MDGA2: variants seen among roughly 807,000 people sequenced by gnomAD.
The protein encoded by MDGA2 is MAM domain containing glycosylphosphatidylinositol anchor 2.
A neutral mutation model predicts 117.8 loss-of-function variants in MDGA2; 40 were observed. The observed-to-expected ratio is 0.34, with a 90% CI of 0.26 to 0.44. MDGA2 has a LOEUF of 0.44. Ranked by LOEUF, MDGA2 falls within the 20% of genes least tolerant of loss-of-function variation. The pLI is 1.00. For missense variants in MDGA2, 1,123 were observed against 1,250.6 expected (o/e 0.90, Z 1.54); for synonymous variants, 452 against 439.0 (o/e 1.03, Z -0.37).
chr14:47,464,148 G>A (rs1893550890), intron 1 of MDGA2, among the ~76,000 whole-genome samples: 2 of 140,932 alleles, frequency 1.4e-5, no homozygotes, highest in African/African-American at 5.3e-5. Flanking sequence ...CACACACAGA[G>A]CCTCTGTTGC....
chr14:47,402,533 T>C (rs1190341072), intron 1 of MDGA2, among the ~76,000 whole-genome samples: 3 of 152,192 alleles, frequency 2.0e-5, no homozygotes, highest in South Asian at 2.1e-4. Flanking sequence ...GTTCCATTTC[T>C]AGCCTACAAA....
chr14:47,192,662 T>C (rs1885158433), intron 3 of MDGA2, among the ~76,000 whole-genome samples: 1 of 151,964 alleles, frequency 6.6e-6, no homozygotes, highest in Non-Finnish European at 1.5e-5. Flanking sequence ...AAACAAGATA[T>C]GGAAAAATAG....
chr14:46,953,616 T>A (rs1302536856), intron 9 of MDGA2, among the ~76,000 whole-genome samples: 2 of 146,322 alleles, frequency 1.4e-5, no homozygotes, highest in Non-Finnish European at 2.9e-5. Context: ...TATGCTTTTT[T>A]TCACATTATT....
intron 1 of MDGA2, among the ~76,000 whole-genome samples, chr14:47,400,404 GT>G (rs1328716341): frequency 9.2e-5 from 14 of 152,092 alleles, no homozygotes; most frequent in Admixed American, 4.6e-4. Flanking sequence ...CATTTTGACT[GT>G]TCTCTCTATC....
intron 9 of MDGA2, among the ~76,000 whole-genome samples, chr14:46,921,206 AT>A (rs910586705): frequency 2.0e-5 from 3 of 152,036 alleles, no homozygotes; most frequent in African/African-American, 4.8e-5. Flanking sequence ...AATTAATTAC[AT>A]TTTTTTTCCA....
chr14:47,329,666 C>T (rs1183472076), intron 1 of MDGA2, among the ~76,000 whole-genome samples: 1 of 151,862 alleles, frequency 6.6e-6, no homozygotes, highest in African/African-American at 2.4e-5. Flanking sequence ...ATCATGAATA[C>T]TTGGAAAGTC....
chr14:46,909,578 T>G lies in MDGA2; in HGVS notation c.2238+10434A>C, dbSNP rs1482817520. Among the ~76,000 whole-genome samples the G allele has an allele frequency of 2.6e-5, 4 of 152,228 alleles. No individual in the cohort carries two copies. In the East Asian group the frequency reaches 7.7e-4, roughly 29 times the overall value. On this transcript the variant is annotated intron_variant, in intron 10 of 16. Coordinates refer to ENST00000399232, the MANE Select transcript of MDGA2 (RefSeq NM_001113498.3). ...CATAGAAGCACTTAACTGAGTTCAC[T>G]AACATTAATGGGATACTAAGATACC...
intron 3 of MDGA2, among the ~76,000 whole-genome samples, chr14:47,176,292 A>C (rs1884442999): frequency 6.6e-6 from 1 of 152,218 alleles, no homozygotes; most frequent in South Asian, 2.1e-4. Context: ...CAGAAATGAA[A>C]AAAACTACTT....
chr14:47,134,938 A>C (rs553947212), intron 4 of MDGA2, among the ~76,000 whole-genome samples: 1 of 152,116 alleles, frequency 6.6e-6, no homozygotes, highest in African/African-American at 2.4e-5. Flanking sequence ...ATTTAGATGT[A>C]TATTTAATAA....
chr14:46,854,971 T>TTTAATA, intron 15 of MDGA2, 53 bp downstream of exon 15: 2 of 1,452,188 alleles, frequency 1.4e-6, no homozygotes, highest in Non-Finnish European at 1.9e-6. Flanking sequence ...AAGATCCACC[T>TTTAATA]TTAATATTAT....
At chr14:47,118,898 T>G (rs1387916177) in intron 5 of MDGA2, among the ~76,000 whole-genome samples, 1 of 152,012 alleles carries the variant, frequency 6.6e-6, no homozygotes, top group Non-Finnish European at 1.5e-5. Context: ...CATACCTGGA[T>G]AATATTTTAA....
chr14:46,873,772 G>T, intron 13 of MDGA2, 181 bp from the exon 14 acceptor site: 2 of 564,034 alleles, frequency 3.5e-6, no homozygotes, highest in Admixed American at 3.9e-5. Flanking sequence ...AAGAATAAAT[G>T]ATCTACCAAA....
intron 2 of MDGA2, among the ~76,000 whole-genome samples, chr14:47,218,745 T>G (rs1050181162): frequency 4.6e-5 from 7 of 152,116 alleles, no homozygotes; most frequent in African/African-American, 1.7e-4. Context: ...TTTGATGGCT[T>G]TGCTTAATAA....
At chr14:46,885,798 C>G (rs1450456568) in intron 10 of MDGA2, among the ~76,000 whole-genome samples, 1 of 152,114 alleles carries the variant, frequency 6.6e-6, no homozygotes, top group Non-Finnish European at 1.5e-5. Flanking sequence ...CTCTGAAGTT[C>G]CACAGAAGTA....
intron 1 of MDGA2, among the ~76,000 whole-genome samples, chr14:47,315,347 C>G (rs1319463227): frequency 6.6e-6 from 1 of 152,090 alleles, no homozygotes; most frequent in East Asian, 1.9e-4. Context: ...AAAGCTCACC[C>G]TCTTCTTTGC....
At chr14:47,154,766 C>A (rs1322529889) in intron 3 of MDGA2, among the ~76,000 whole-genome samples, 1 of 152,178 alleles carries the variant, frequency 6.6e-6, no homozygotes, top group African/African-American at 2.4e-5. Context: ...CACCGGCCTG[C>A]AGGCACTCCC....
At chr14:47,651,212 T>TGG (rs1477642441) in intron 1 of MDGA2, among the ~76,000 whole-genome samples, 1 of 84,574 alleles carries the variant, frequency 1.2e-5, no homozygotes, top group African/African-American at 4.3e-5. Flanking sequence ...TGTGTGCATG[T>TGG]GGTGTGTGTG....
At chr14:47,405,362 A>G (rs1450239836) in intron 1 of MDGA2, among the ~76,000 whole-genome samples, 1 of 152,156 alleles carries the variant, frequency 6.6e-6, no homozygotes, top group Non-Finnish European at 1.5e-5. Context: ...CCATTCTGTC[A>G]TATATATAAA....
At chr14:46,899,457 C>T (rs942121967) in intron 10 of MDGA2, among the ~76,000 whole-genome samples, 1 of 151,902 alleles carries the variant, frequency 6.6e-6, no homozygotes, top group East Asian at 1.9e-4. Flanking sequence ...AAAGAAGTTA[C>T]GATTTGAGCT....
Sources: allele counts gnomAD v4.1 joint callset (sites outside exome capture counted in the v4.1 genomes callset), GRCh38; gene constraint gnomAD v4.1.1; transcripts MANE v1.5; gene names NCBI Gene and HGNC (gene_info 2026-07-23, HGNC 2026-07-21).